LHFPL3: variants seen among roughly 807,000 people sequenced by gnomAD.
LHFPL3 encodes LHFPL tetraspan subfamily member 3.
A neutral mutation model predicts 19.3 loss-of-function variants in LHFPL3; 5 were observed. The ratio of observed to expected loss-of-function variants is 0.26; its 90% CI spans 0.14 to 0.54. The LOEUF is 0.54. Among genes scored for constraint, LHFPL3 ranks in the 20% least tolerant of loss-of-function variants. The pLI is 0.94. For synonymous variants in LHFPL3, 133 were observed against 126.2 expected (o/e 1.05, Z -0.36); for missense variants, 249 against 307.4 (o/e 0.81, Z 1.42).
chr7:104,684,138 T>C lies in LHFPL3; in HGVS notation c.446-52537T>C, dbSNP rs187805671. The stretch of plus-strand genomic sequence containing the variant: ...TCTTTTCATTTCTCTTATTGTTAGA[T>C]TAGTTCAGGGATTTTCAAAGTCTGG... On this transcript the variant is annotated intron_variant, in intron 1 of 2. Transcript: ENST00000424859. 1.3e-4 allele frequency among the ~76,000 whole-genome samples: 20 copies of C among 152,338 alleles called. No homozygotes were observed. In the East Asian group the frequency reaches 3.9e-3, roughly 29 times the overall value.
intron 2 of LHFPL3, among the ~76,000 whole-genome samples, chr7:104,798,701 T>A (rs939715675): frequency 2.0e-5 from 3 of 151,398 alleles, no homozygotes; most frequent in African/African-American, 7.3e-5. Flanking sequence ...GTCTCACGAT[T>A]TTTTTTTTGA....
intron 1 of LHFPL3, among the ~76,000 whole-genome samples, chr7:104,363,066 T>C (rs1784361594): frequency 6.6e-6 from 1 of 152,276 alleles, no homozygotes; most frequent in South Asian, 2.1e-4. Flanking sequence ...CTGTAATTTG[T>C]AATCTTATAG....
intron 1 of LHFPL3, among the ~76,000 whole-genome samples, chr7:104,383,092 G>GT (rs1562880720): frequency 6.6e-6 from 1 of 152,236 alleles, no homozygotes; most frequent in Non-Finnish European, 1.5e-5. Context: ...CCACCATGCC[G>GT]TAACAGCCTT....
chr7:104,511,048 A>G (rs1793804112), intron 1 of LHFPL3, among the ~76,000 whole-genome samples: 1 of 152,150 alleles, frequency 6.6e-6, no homozygotes, highest in Non-Finnish European at 1.5e-5. Context: ...TCCTGAACTT[A>G]AAATAAAAGT....
intron 1 of LHFPL3, among the ~76,000 whole-genome samples, chr7:104,627,167 C>T (rs566373170): frequency 1.4e-4 from 21 of 152,064 alleles, no homozygotes; most frequent in Admixed American, 4.6e-4. Flanking sequence ...CCATTCTATT[C>T]CCTGCTTCTA....
At chr7:104,624,370 A>G (rs1791505718) in intron 1 of LHFPL3, among the ~76,000 whole-genome samples, 1 of 152,216 alleles carries the variant, frequency 6.6e-6, no homozygotes, top group Non-Finnish European at 1.5e-5. Context: ...CATGTTGAGA[A>G]TCAGAAAGTT....
At chr7:104,407,135 A>G (rs184745986) in intron 1 of LHFPL3, among the ~76,000 whole-genome samples, 1 of 151,976 alleles carries the variant, frequency 6.6e-6, no homozygotes, top group Admixed American at 6.6e-5. Flanking sequence ...TACAAAAATA[A>G]CTCTTCCTTT....
chr7:104,841,493 G>GTGTGC (rs372610653), intron 2 of LHFPL3, among the ~76,000 whole-genome samples: 1 of 140,836 alleles, frequency 7.1e-6, no homozygotes, highest in South Asian at 2.4e-4. Flanking sequence ...CATTATGTGG[G>GTGTGC]GTGTGTGTGT....
rs573371317 is a variant in LHFPL3 at position 104,628,924 on chromosome 7, G to T, written c.446-107751G>T. 1.4e-3 allele frequency among the ~76,000 whole-genome samples: 216 copies of T among 152,206 alleles called. 3 individuals are homozygous for T. Among genetic ancestry groups the T allele is most frequent in the African/African-American group, 5.0e-3 (208 of 41,538 alleles). On this transcript the variant is annotated intron_variant, in intron 1 of 2. Transcript: ENST00000424859. ...TATGAAACAGGCTTCTCAAACCCAAGAAATGAATGATTTGCCTCAGCACTG... is the reference window on the plus strand; with the variant it reads ...TATGAAACAGGCTTCTCAAACCCAATAAATGAATGATTTGCCTCAGCACTG...
intron 1 of LHFPL3, among the ~76,000 whole-genome samples, chr7:104,701,067 T>C (rs1271375836): frequency 6.6e-6 from 1 of 152,254 alleles, no homozygotes; most frequent in Non-Finnish European, 1.5e-5. Context: ...ACTTTGAGTC[T>C]GTATGCCTGT....
At chr7:104,590,667 C>G (rs201467714) in intron 1 of LHFPL3, among the ~76,000 whole-genome samples, 1 of 152,022 alleles carries the variant, frequency 6.6e-6, no homozygotes, top group Non-Finnish European at 1.5e-5. Flanking sequence ...CTGGATATCC[C>G]TGTTAACTTT....
chr7:104,396,980 A>G (rs1278149704), intron 1 of LHFPL3, among the ~76,000 whole-genome samples: 3 of 152,142 alleles, frequency 2.0e-5, no homozygotes, highest in Admixed American at 6.5e-5. Context: ...TAAAAAAAAG[A>G]AAAGCTCGCA....
intron 1 of LHFPL3, among the ~76,000 whole-genome samples, chr7:104,488,868 G>C (rs1306074579): frequency 6.6e-6 from 1 of 152,204 alleles, no homozygotes; most frequent in East Asian, 1.9e-4. Context: ...AGAATGAGTA[G>C]AAAGTGGCAA....
At chr7:104,401,623 T>C (rs754373889) in intron 1 of LHFPL3, among the ~76,000 whole-genome samples, 28 of 152,206 alleles carry the variant, frequency 1.8e-4, no homozygotes, top group Non-Finnish European at 2.9e-4. Flanking sequence ...CAGTGCCAGA[T>C]ACTTTTCAGA....
Position 104,814,161 on chromosome 7 carries a change from A to C in LHFPL3, c.682+77250A>C, listed in dbSNP as rs142533137. 9.7e-4 allele frequency among the ~76,000 whole-genome samples: 148 copies of C among 152,166 alleles called. No individual in the cohort carries two copies. In the South Asian group the frequency reaches 0.022, roughly 23 times the overall value. ...CTGATAAGTGTTCGGCTCCTAGCAGAGGGTAGCTCCTCTCTGCTAGGCAAG... is the reference window on the plus strand; with the variant it reads ...CTGATAAGTGTTCGGCTCCTAGCAGCGGGTAGCTCCTCTCTGCTAGGCAAG... On this transcript the variant is annotated intron_variant, in intron 2 of 2. Coordinates refer to ENST00000424859, the MANE Select transcript of LHFPL3 (RefSeq NM_199000.3).
At chr7:104,706,877 G>T (rs1468065335) in intron 1 of LHFPL3, among the ~76,000 whole-genome samples, 2 of 152,240 alleles carry the variant, frequency 1.3e-5, no homozygotes, top group Admixed American at 6.5e-5. Flanking sequence ...TCCATTCTTT[G>T]CACATTCTTA....
intron 1 of LHFPL3, among the ~76,000 whole-genome samples, chr7:104,681,588 G>A (rs1383503477): frequency 6.6e-6 from 1 of 151,684 alleles, no homozygotes; most frequent in East Asian, 1.9e-4. Context: ...TGCCACTGCA[G>A]CCCAGCCTGG....
rs1307852684 is a variant in LHFPL3 at position 104,700,699 on chromosome 7, A to T, written c.446-35976A>T. On this transcript the variant is annotated intron_variant, in intron 1 of 2. Transcript: ENST00000424859. ...GTATTTTTAGCATTGTAGTTAATGG[A>T]TTCACTTTTCTTATATTTCCATCCA... Among the ~76,000 whole-genome samples, 8 of 152,178 alleles carry T rather than the reference A, an allele frequency of 5.3e-5. No individual in the cohort carries two copies. The South Asian group carries it at 1.0e-3, about 20-fold the overall frequency.
intron 1 of LHFPL3, among the ~76,000 whole-genome samples, chr7:104,615,806 G>A (rs539433530): frequency 9.9e-5 from 15 of 152,068 alleles, no homozygotes; most frequent in South Asian, 8.3e-4. Flanking sequence ...TTAGTTTGCC[G>A]AATGATGGTT....
Sources: gnomAD v4.1 joint callset for allele counts (sites outside exome capture counted in the v4.1 genomes callset) on GRCh38, gnomAD v4.1.1 for gene constraint, MANE v1.5 for transcripts, NCBI Gene and HGNC (gene_info 2026-07-23, HGNC 2026-07-21) for gene names.